Variants in RBFOX1 observed in about 807,000 individuals in gnomAD.
RBFOX1 encodes RNA binding fox-1 homolog 1.
A neutral mutation model predicts 57.7 loss-of-function variants in RBFOX1; 8 were observed. The ratio of observed to expected loss-of-function variants is 0.14; its 90% CI spans 0.08 to 0.25. The LOEUF (loss-of-function observed/expected upper bound fraction) is 0.25, where lower values mean the gene tolerates loss of function less well. RBFOX1 is among the 10% of genes least tolerant of loss of function. The pLI is 1.00. For synonymous variants in RBFOX1, 326 were observed against 222.4 expected (o/e 1.47, Z -4.15); for missense variants, 611 against 548.5 (o/e 1.11, Z -1.14).
At chr16:7,485,178 G>A (rs144582926) in intron 4 of RBFOX1, among the ~76,000 whole-genome samples, 9 of 152,122 alleles carry the variant, frequency 5.9e-5, no homozygotes, top group African/African-American at 1.4e-4. Context: ...CAAGGGACAG[G>A]TGTGTTCACT....
At chr16:7,414,302 T>C (rs760234021) in intron 4 of RBFOX1, among the ~76,000 whole-genome samples, 2 of 152,340 alleles carry the variant, frequency 1.3e-5, no homozygotes, top group Admixed American at 6.5e-5. Flanking sequence ...CTATGTTCAC[T>C]GGCCAGGTTA....
At chr16:6,108,172 A>T (rs1051766345) in intron 1 of RBFOX1, among the ~76,000 whole-genome samples, 1 of 152,216 alleles carries the variant, frequency 6.6e-6, no homozygotes, top group Non-Finnish European at 1.5e-5. Flanking sequence ...GTGATACCTA[A>T]ATTTAATGCA....
intron 4 of RBFOX1, among the ~76,000 whole-genome samples, chr16:7,465,706 G>A (rs1431075613): frequency 6.6e-6 from 1 of 152,124 alleles, no homozygotes; most frequent in East Asian, 1.9e-4. Context: ...GGGTCAATAG[G>A]AGCACTCATT....
chr16:5,432,770 G>A (rs1291238239), intron 1 of RBFOX1, among the ~76,000 whole-genome samples: 5 of 151,860 alleles, frequency 3.3e-5, no homozygotes, highest in Non-Finnish European at 5.9e-5. Context: ...AATGAGGCCC[G>A]TATTTTTCTT....
chr16:7,502,479 C>A (rs930804083), intron 4 of RBFOX1, among the ~76,000 whole-genome samples: 1 of 152,144 alleles, frequency 6.6e-6, no homozygotes, highest in Non-Finnish European at 1.5e-5. Flanking sequence ...CTCCACAAAG[C>A]CATTGGGTTG....
At chr16:6,539,352 A>G (rs2096779287) in intron 2 of RBFOX1, among the ~76,000 whole-genome samples, 2 of 152,188 alleles carry the variant, frequency 1.3e-5, no homozygotes, top group South Asian at 2.1e-4. Context: ...ATTAAATAAG[A>G]TAATGCAGGA....
rs887650432 is a variant in RBFOX1, at chr16:6,309,031, C to A, written c.-126-7964C>A. Among the ~76,000 whole-genome samples, 14 of 152,028 alleles carry A rather than the reference C, an allele frequency of 9.2e-5. No homozygotes were observed. In the South Asian group the frequency reaches 1.2e-3, roughly 14 times the overall value. ...CTTACCTCTCTCCTCTCACCCTATACCCAGGAAGTTTTAATTTTATGGAGA... is the reference window on the plus strand; with the variant it reads ...CTTACCTCTCTCCTCTCACCCTATAACCAGGAAGTTTTAATTTTATGGAGA... On this transcript the variant is annotated intron_variant, in intron 1 of 15. Transcript: ENST00000550418.
At chr16:5,859,566 C>A (rs1274317410) in intron 3 of RBFOX1, among the ~76,000 whole-genome samples, 1 of 152,108 alleles carries the variant, frequency 6.6e-6, no homozygotes, top group Non-Finnish European at 1.5e-5. Flanking sequence ...AAATCACTTG[C>A]CAGCAAAGGA....
chr16:6,484,611 G>C (rs1408844276), intron 2 of RBFOX1, among the ~76,000 whole-genome samples: 2 of 152,108 alleles, frequency 1.3e-5, no homozygotes, highest in Non-Finnish European at 2.9e-5. Context: ...TGATCACCTA[G>C]CCTCTCAAGC....
chr16:7,131,797 G>T (rs971790196), intron 4 of RBFOX1, among the ~76,000 whole-genome samples: 2 of 151,974 alleles, frequency 1.3e-5, no homozygotes, highest in African/African-American at 4.8e-5. Flanking sequence ...GAATAGTCCT[G>T]TGAATATTGG....
intron 2 of RBFOX1, among the ~76,000 whole-genome samples, chr16:5,563,767 CACTA>C (rs1316626554): frequency 1.1e-4 from 17 of 152,162 alleles, no homozygotes; most frequent in African/African-American, 3.9e-4. Flanking sequence ...GTGCAATGAG[CACTA>C]TAGCATATTT....
chr16:5,903,411 C>T (rs555838309), intron 4 of RBFOX1, among the ~76,000 whole-genome samples: 10 of 152,228 alleles, frequency 6.6e-5, no homozygotes, highest in African/African-American at 2.2e-4. Flanking sequence ...TGACACAAAG[C>T]GGCTGGGCAG....
At chr16:7,195,907 C>G (rs893552670) in intron 4 of RBFOX1, among the ~76,000 whole-genome samples, 2 of 151,994 alleles carry the variant, frequency 1.3e-5, no homozygotes, top group Non-Finnish European at 2.9e-5. Context: ...AAATGTGTCA[C>G]TGAATAAAGG....
At chr16:6,346,759 A>G (rs1446420513) in intron 2 of RBFOX1, among the ~76,000 whole-genome samples, 2 of 152,214 alleles carry the variant, frequency 1.3e-5, no homozygotes, top group Non-Finnish European at 2.9e-5. Flanking sequence ...GAGAGTTGAA[A>G]TAACTTCGTA....
At chr16:6,680,684 G>C (rs961793231) in intron 3 of RBFOX1, among the ~76,000 whole-genome samples, 1 of 152,154 alleles carries the variant, frequency 6.6e-6, no homozygotes, top group African/African-American at 2.4e-5. Context: ...TTACCGCTTA[G>C]AGGTAATATT....
intron 2 of RBFOX1, among the ~76,000 whole-genome samples, chr16:6,546,133 T>C (rs952836718): frequency 6.6e-6 from 1 of 152,232 alleles, no homozygotes; most frequent in East Asian, 1.9e-4. Context: ...TTCAAAGGCA[T>C]CTTGGGCCAC....
chr16:6,807,158 C>G (rs1453683376), intron 3 of RBFOX1, among the ~76,000 whole-genome samples: 3 of 151,644 alleles, frequency 2.0e-5, no homozygotes, highest in African/African-American at 4.8e-5. Context: ...TAATAAAACA[C>G]TGGTTACAAT....
At chr16:6,475,162 C>G (rs954907050) in intron 2 of RBFOX1, among the ~76,000 whole-genome samples, 1 of 152,106 alleles carries the variant, frequency 6.6e-6, no homozygotes, top group Admixed American at 6.6e-5. Flanking sequence ...ATAATGTTAG[C>G]TTTTCTGGTG....
chr16:7,479,948 G>A (rs1468351245), intron 4 of RBFOX1, among the ~76,000 whole-genome samples: 1 of 152,138 alleles, frequency 6.6e-6, no homozygotes, highest in Non-Finnish European at 1.5e-5. Context: ...AAATTCCTAG[G>A]AAAAGGCAAA....
Sources: allele counts gnomAD v4.1 joint callset (sites outside exome capture counted in the v4.1 genomes callset), GRCh38; gene constraint gnomAD v4.1.1; transcripts MANE v1.5; gene names NCBI Gene and HGNC (gene_info 2026-07-23, HGNC 2026-07-21).